Variants in CTNNA3 observed in about 807,000 individuals in gnomAD.
CTNNA3 encodes catenin alpha-3.
CTNNA3 carries 76 observed loss-of-function variants against 95.7 expected under a neutral mutation model. The ratio of observed to expected loss-of-function variants is 0.79; its 90% CI spans 0.66 to 0.96. CTNNA3 has a LOEUF of 0.96. Ranked by LOEUF, CTNNA3 falls within the 40% of genes least tolerant of loss-of-function variation. The pLI is 0.00. For synonymous variants in CTNNA3, 431 were observed against 374.4 expected (o/e 1.15, Z -1.74); for missense variants, 1,191 against 1,089.8 (o/e 1.09, Z -1.31).
At chr10:66,360,788 C>CTTT (rs1564897092) in intron 12 of CTNNA3, among the ~76,000 whole-genome samples, 4,591 of 56,322 alleles carry the variant, frequency 0.082, 690 homozygotes, top group Admixed American at 0.12. Flanking sequence ...TTTCTTTCTT[C>CTTT]CTTCCTTCCT....
chr10:66,114,503 T>G (rs58828395), intron 13 of CTNNA3, among the ~76,000 whole-genome samples: 5,168 of 145,382 alleles, frequency 0.036, 309 homozygotes, highest in African/African-American at 0.12. Flanking sequence ...TATGTGTGCA[T>G]ATATGTATAT....
chr10:66,366,206 T>C (rs1291891907), intron 12 of CTNNA3, among the ~76,000 whole-genome samples: 1 of 152,134 alleles, frequency 6.6e-6, no homozygotes, highest in Non-Finnish European at 1.5e-5. Flanking sequence ...GGAAAGGCCA[T>C]AAAAGGCTGA....
At chr10:66,516,447 T>C (rs1442381105) in intron 11 of CTNNA3, among the ~76,000 whole-genome samples, 3 of 152,178 alleles carry the variant, frequency 2.0e-5, no homozygotes, top group Non-Finnish European at 4.4e-5. Flanking sequence ...AAAGGTTAAA[T>C]TGTGGCTGGT....
At chr10:65,956,680 C>A (rs1435275639) in intron 17 of CTNNA3, among the ~76,000 whole-genome samples, 1 of 152,180 alleles carries the variant, frequency 6.6e-6, no homozygotes, top group Non-Finnish European at 1.5e-5. Flanking sequence ...TGCTCAGTAT[C>A]CATGTGGTTG....
intron 5 of CTNNA3, among the ~76,000 whole-genome samples, chr10:67,281,324 A>G (rs1380228809): frequency 6.6e-6 from 1 of 152,228 alleles, no homozygotes; most frequent in Non-Finnish European, 1.5e-5. Flanking sequence ...TGATCTATGT[A>G]ATCCACTACA....
At chr10:66,306,510 TA>T (rs2091936288) in intron 12 of CTNNA3, among the ~76,000 whole-genome samples, 1 of 152,214 alleles carries the variant, frequency 6.6e-6, no homozygotes, top group Non-Finnish European at 1.5e-5. Context: ...AATTAGAATT[TA>T]TGGCTGTGCC....
chr10:67,649,091 G>A lies in CTNNA3; in HGVS notation c.-5-1573C>T, dbSNP rs10997769. ...ATAGCCTTAGGGTTCTATCAAATAA[G>A]TGCTCACAAAAGAATTTATTTGTTA... On this transcript the variant is annotated intron_variant, in intron 1 of 17. Coordinates refer to ENST00000433211, the MANE Select transcript of CTNNA3 (RefSeq NM_013266.4). Among the ~76,000 whole-genome samples the A allele has an allele frequency of 7.2e-5, 11 of 152,276 alleles. No homozygotes were observed. In the East Asian group the frequency reaches 2.1e-3, roughly 29 times the overall value.
rs550186202 is a variant in CTNNA3 at position 66,949,489 on chromosome 10, C to T, written c.1048-173965G>A. Reference sequence around the variant, plus strand: ...AGGAGAATTGCTTGAACCCAGGAGGCGGAGGTTGCAGTGAGCCAAGATCGC... The same window carrying T: ...AGGAGAATTGCTTGAACCCAGGAGGTGGAGGTTGCAGTGAGCCAAGATCGC... On this transcript the variant is annotated intron_variant, in intron 7 of 17. Transcript: ENST00000433211. Among the ~76,000 whole-genome samples, 9 of 151,598 alleles carry T rather than the reference C, an allele frequency of 5.9e-5. No homozygotes were observed. The South Asian group carries it at 1.7e-3, about 28-fold the overall frequency.
intron 7 of CTNNA3, among the ~76,000 whole-genome samples, chr10:67,047,870 TAAA>T (rs1441098371): frequency 1.3e-5 from 2 of 151,926 alleles, no homozygotes; most frequent in African/African-American, 4.8e-5. Flanking sequence ...AATGTCATCC[TAAA>T]AACAAAAAAA....
chr10:66,430,186 C>T (rs1433531062), intron 11 of CTNNA3, among the ~76,000 whole-genome samples: 1 of 150,034 alleles, frequency 6.7e-6, no homozygotes, highest in Non-Finnish European at 1.5e-5. Context: ...CCTAGGAATC[C>T]AACTTACAAG....
chr10:65,928,363 A>T (rs1322518395), intron 17 of CTNNA3, among the ~76,000 whole-genome samples: 1 of 152,132 alleles, frequency 6.6e-6, no homozygotes, highest in African/African-American at 2.4e-5. Context: ...TCATACTATG[A>T]CGCTAACATC....
chr10:67,721,047 G>A (rs1841177290), intron 1 of CTNNA3, among the ~76,000 whole-genome samples: 1 of 152,128 alleles, frequency 6.6e-6, no homozygotes, highest in African/African-American at 2.4e-5. Context: ...TTCCCTTTGT[G>A]GGTAACCCAA....
chr10:66,973,920 C>A (rs890300073), intron 7 of CTNNA3, among the ~76,000 whole-genome samples: 1 of 152,168 alleles, frequency 6.6e-6, no homozygotes, highest in Admixed American at 6.5e-5. Context: ...CCGCGTCCAG[C>A]CTTATTTATT....
chr10:67,369,970 A>C (rs779651632), intron 5 of CTNNA3, among the ~76,000 whole-genome samples: 23 of 152,164 alleles, frequency 1.5e-4, no homozygotes, highest in Non-Finnish European at 2.9e-4. Flanking sequence ...CCTACAAATA[A>C]CACTTGCATG....
At chr10:66,360,489 A>G (rs535867146) in intron 12 of CTNNA3, among the ~76,000 whole-genome samples, 22 of 152,200 alleles carry the variant, frequency 1.4e-4, no homozygotes, top group East Asian at 5.8e-4. Flanking sequence ...TCCAAAGTCA[A>G]TGTAGAGATA....
chr10:66,359,292 G>T (rs1226414539), intron 12 of CTNNA3, among the ~76,000 whole-genome samples: 2 of 152,128 alleles, frequency 1.3e-5, no homozygotes, highest in East Asian at 1.9e-4. Context: ...TACTTTCAGG[G>T]ATTGAAGTCT....
intron 2 of CTNNA3, among the ~76,000 whole-genome samples, chr10:67,615,097 G>A (rs1250615877): frequency 1.3e-5 from 2 of 152,146 alleles, no homozygotes; most frequent in African/African-American, 2.4e-5. Flanking sequence ...TGTTGGGGTT[G>A]GAAATGGCAC....
chr10:66,544,949 T>C (rs1202779310), intron 10 of CTNNA3, among the ~76,000 whole-genome samples: 1 of 152,118 alleles, frequency 6.6e-6, no homozygotes, highest in African/African-American at 2.4e-5. Flanking sequence ...CATTATCTTC[T>C]AGTTAGAAAT....
At chr10:67,556,625 T>C (rs1233981416) in intron 3 of CTNNA3, among the ~76,000 whole-genome samples, 1 of 152,226 alleles carries the variant, frequency 6.6e-6, no homozygotes, top group Non-Finnish European at 1.5e-5. Flanking sequence ...TTTTATTGCA[T>C]CTATTTGATT....
Sources: allele counts gnomAD v4.1 joint callset (sites outside exome capture counted in the v4.1 genomes callset), GRCh38; gene constraint gnomAD v4.1.1; transcripts MANE v1.5; gene names NCBI Gene and HGNC (gene_info 2026-07-23, HGNC 2026-07-21).